PCDHGA2: variants seen among roughly 807,000 people sequenced by gnomAD.
PCDHGA2 encodes the protein protocadherin gamma subfamily A, 2, also known as protocadherin gamma-A2.
Under a neutral mutation model 59.2 loss-of-function variants are expected in PCDHGA2, and 40 were observed. That is an observed-to-expected ratio of 0.68 (90% CI 0.52 to 0.88). The LOEUF is 0.88. PCDHGA2 is among the 40% of genes least tolerant of loss of function. PCDHGA2 has a pLI of 0.00. For missense variants in PCDHGA2, 1,226 were observed against 1,204.0 expected (o/e 1.02, Z -0.27); for synonymous variants, 560 against 526.0 (o/e 1.06, Z -0.89).
chr5:141,377,009 G>A (rs1392243564), intron 1 of PCDHGA2: 2 of 155,212 alleles, frequency 1.3e-5, no homozygotes, highest in Non-Finnish European at 2.9e-5. Flanking sequence ...TTTATTGGTT[G>A]ACAGGAAAAT....
intron 1 of PCDHGA2, chr5:141,360,795 A>G (rs755316172): frequency 2.5e-6 from 4 of 1,613,818 alleles, no homozygotes; most frequent in African/African-American, 2.7e-5. Context: ...GCGGAGACCC[A>G]CCTCAAAGTG....
At chr5:141,394,364 G>A (rs1293513120) in intron 1 of PCDHGA2, 1 of 1,614,186 alleles carries the variant, frequency 6.2e-7, no homozygotes. Flanking sequence ...TGTATGCGCT[G>A]CAATCTTTCG....
At position 141,339,466 on chromosome 5, in the gene PCDHGA2, C is replaced by T. The variant is rs1247701313; in HGVS notation, c.495C>T (p.Asn165=). The T allele has an allele frequency of 3.1e-6, 5 of 1,614,200 alleles. No individual in the cohort carries two copies. The highest frequency in any genetic ancestry group is 4.2e-6 in the Non-Finnish European group (5 of 1,180,034). ...CGCATGATGCAGACGTAGGTGAGAA[C>T]GCCCTTCAGAAGTACGCACTCAACC... ...KNAHDADVGE[N]ALQKYALNPN... is the part of the protein sequence containing the mutation. Residue 165 remains asparagine (N), a synonymous_variant, in exon 1 of 4, where the codon AAC becomes AAT. Transcript: ENST00000394576.
intron 1 of PCDHGA2, among the ~76,000 whole-genome samples, chr5:141,347,590 C>T (rs1450261178): frequency 2.0e-5 from 3 of 152,034 alleles, no homozygotes; most frequent in African/African-American, 7.2e-5. Context: ...AGTTCAAGAA[C>T]ACCCTGGCCA....
intron 1 of PCDHGA2, chr5:141,419,592 T>C (rs1561782617): frequency 6.2e-7 from 1 of 1,611,670 alleles, no homozygotes. Context: ...TTCGACACAG[T>C]GCCGCGGGCC....
At chr5:141,360,170 G>C (rs72790010) in intron 1 of PCDHGA2, 42,447 of 1,607,730 alleles carry the variant, frequency 0.026, 720 homozygotes, top group East Asian at 0.041. Context: ...GGGCTGGTGC[G>C]GTGGCTGCAG....
intron 1 of PCDHGA2, chr5:141,392,498 AT>A (rs201401101): frequency 3.1e-4 from 68 of 217,634 alleles, no homozygotes; most frequent in African/African-American, 9.8e-4. Context: ...TAAGCAAATG[AT>A]TTTTTTTTCT....
At position 141,432,587 on chromosome 5, in the gene PCDHGA2, A is replaced by G. The variant is rs1344597432; in HGVS notation, c.2425-62220A>G. 5 of 1,613,132 alleles carry G rather than the reference A, an allele frequency of 3.1e-6. No homozygotes were observed. In the East Asian group the frequency reaches 8.9e-5, roughly 29 times the overall value. ...CGCCTGGCTGTCCTACCGTCTGCTC[A>G]AGGCCAGCGAGCCGGGACTCTTCTC... On this transcript the variant is annotated intron_variant, in intron 1 of 3. Transcript: ENST00000394576. This position sits in a 1 kb window ranked among gnomAD's most constrained non-coding sequence, Gnocchi z 6.0.
chr5:141,354,596 C>T (rs1759587882), intron 1 of PCDHGA2, among the ~76,000 whole-genome samples: 2 of 152,350 alleles, frequency 1.3e-5, no homozygotes, highest in South Asian at 4.1e-4. Context: ...AAAGCCAGAC[C>T]TCCAAGTTCC....
intron 1 of PCDHGA2, chr5:141,371,822 C>T (rs3749776): frequency 0.026 from 42,283 of 1,613,860 alleles, 714 homozygotes; most frequent in East Asian, 0.041. Flanking sequence ...ATGTCAGAGC[C>T]TCGGATCCCG....
chr5:141,345,381 C>T (rs1360019726), intron 1 of PCDHGA2: 1 of 1,613,992 alleles, frequency 6.2e-7, no homozygotes, highest in Non-Finnish European at 8.5e-7. Context: ...TGACAACCCA[C>T]CCACCTTCCC....
intron 2 of PCDHGA2, among the ~76,000 whole-genome samples, chr5:141,497,578 T>C (rs2099778035): frequency 1.3e-5 from 2 of 150,806 alleles, no homozygotes; most frequent in South Asian, 4.2e-4. Context: ...CTTGCTCTGT[T>C]GCCCAAGCTG....
At chr5:141,418,891 C>T in intron 1 of PCDHGA2, 2 of 1,613,842 alleles carry the variant, frequency 1.2e-6, no homozygotes, top group South Asian at 2.2e-5. Flanking sequence ...ACGACAACAG[C>T]CCAGAAATAA....
chr5:141,483,501 G>T (rs1022338958), intron 1 of PCDHGA2, among the ~76,000 whole-genome samples: 1 of 150,394 alleles, frequency 6.6e-6, no homozygotes, highest in Non-Finnish European at 1.5e-5. Flanking sequence ...ATGAGTCAAG[G>T]CTGATCCCCC....
intron 1 of PCDHGA2, chr5:141,365,086 A>G: frequency 6.2e-7 from 1 of 1,613,892 alleles, no homozygotes; most frequent in Non-Finnish European, 8.5e-7. Context: ...TGAGTGTTCC[A>G]GAGAACATAC....
In PCDHGA2 at chr5:141,340,752, T is replaced by A. The variant is rs1455294169; in HGVS notation, c.1781T>A (p.Val594Glu). ...PGYLVTKVVA[V>E]DRDSGQNAWL... is the part of the protein sequence containing the mutation. Reference sequence around the variant, plus strand: ...TACCTGGTGACCAAGGTGGTGGCGGTGGACAGAGACTCGGGCCAGAACGCC... The same window carrying A: ...TACCTGGTGACCAAGGTGGTGGCGGAGGACAGAGACTCGGGCCAGAACGCC... Residue 594 changes from valine to glutamate, a missense_variant, in exon 1 of 4, where the codon GTG (valine) becomes GAG (glutamate). Coordinates refer to ENST00000394576, the MANE Select transcript of PCDHGA2 (RefSeq NM_018915.4). 6.2e-7 allele frequency: 1 copy of A among 1,613,438 alleles called. No individual in the cohort carries two copies. Among genetic ancestry groups the A allele is most frequent in the East Asian group, 2.2e-5 (1 of 44,808 alleles).
chr5:141,408,326 G>A, intron 1 of PCDHGA2: 6 of 1,613,904 alleles, frequency 3.7e-6, no homozygotes, highest in Non-Finnish European at 4.2e-6. Context: ...GGAGGAGCTG[G>A]CCAAGGGCTC....
chr5:141,342,312 C>T (rs569566416), intron 1 of PCDHGA2: 1 of 152,312 alleles, frequency 6.6e-6, no homozygotes, highest in Admixed American at 6.5e-5. Flanking sequence ...ATCCCTCACC[C>T]AATCCCAGTG....
intron 1 of PCDHGA2, among the ~76,000 whole-genome samples, chr5:141,401,282 C>G (rs963741934): frequency 4.0e-5 from 6 of 151,884 alleles, no homozygotes; most frequent in African/African-American, 1.5e-4. Context: ...GTGGAGGTTG[C>G]GGTGAGCCGA....
Sources: allele counts gnomAD v4.1 joint callset (sites outside exome capture counted in the v4.1 genomes callset), GRCh38; gene constraint gnomAD v4.1.1; non-coding constraint Gnocchi (gnomAD v3.1); transcripts MANE v1.5; gene names NCBI Gene and HGNC (gene_info 2026-07-23, HGNC 2026-07-21).